MSRA: variants seen among roughly 807,000 people sequenced by gnomAD.
MSRA encodes the protein methionine sulfoxide reductase A, also known as mitochondrial peptide methionine sulfoxide reductase.
MSRA carries 54 observed loss-of-function variants against 31.3 expected under a neutral mutation model. The observed-to-expected ratio is 1.73, with a 90% CI of 1.39 to 2.17. The LOEUF is 2.17. Among genes scored for constraint, MSRA ranks in the 30% most tolerant of loss-of-function variants. The pLI is 0.00. For synonymous variants in MSRA, 169 were observed against 116.5 expected (o/e 1.45, Z -2.90); for missense variants, 507 against 300.9 (o/e 1.69, Z -5.07).
intron 5 of MSRA, among the ~76,000 whole-genome samples, chr8:10,397,767 A>G (rs1023790111): frequency 2.0e-5 from 3 of 152,244 alleles, no homozygotes; most frequent in Non-Finnish European, 4.4e-5. Flanking sequence ...GGAATATTCA[A>G]TATCTGGATT....
chr8:10,113,928 C>T (rs1405191181), intron 1 of MSRA, among the ~76,000 whole-genome samples: 3 of 152,114 alleles, frequency 2.0e-5, no homozygotes, highest in African/African-American at 4.8e-5. Flanking sequence ...TTATTATCCC[C>T]AAAAGAAACT....
chr8:10,319,877 T>G lies in MSRA; in HGVS notation c.437-6T>G. The G allele has an allele frequency of 1.3e-6, 2 of 1,516,140 alleles. No individual in the cohort carries two copies. Among genetic ancestry groups the G allele is most frequent in the South Asian group, 2.7e-5 (2 of 73,506 alleles). The allele number at this position is 1,516,140 out of a possible 1,614,324, so 93.9% of individuals were successfully genotyped here. A position where few individuals can be genotyped will look rare whatever the true frequency, so the allele number is the denominator to read the frequency against. ...GGGTAACCCTCCCTGTTTTCTGCTT[T>G]CCTAGGTATGCGCCAGGGGAACGAC... On this transcript the variant is annotated splice_polypyrimidine_tract_variant and splice_region_variant and intron_variant, in intron 4 of 5. Coordinates refer to ENST00000317173, the MANE Select transcript of MSRA (RefSeq NM_012331.5).
chr8:10,091,714 C>G (rs563008295), intron 1 of MSRA, among the ~76,000 whole-genome samples: 1 of 150,960 alleles, frequency 6.6e-6, no homozygotes, highest in East Asian at 2.0e-4. Flanking sequence ...TCAAGTGATT[C>G]TCGTGCCTCA....
intron 1 of MSRA, among the ~76,000 whole-genome samples, chr8:10,192,558 A>G (rs115585041): frequency 7.5e-4 from 115 of 152,342 alleles, no homozygotes; most frequent in African/African-American, 2.7e-3. Flanking sequence ...CCTCCTCTCC[A>G]TGGGAAGAAA....
At chr8:10,307,164 T>C (rs1248112553) in intron 4 of MSRA, among the ~76,000 whole-genome samples, 2 of 97,172 alleles carry the variant, frequency 2.1e-5, no homozygotes, top group Admixed American at 1.5e-4. Flanking sequence ...CTTCTAAGGA[T>C]GCACATTTTT....
At chr8:10,115,870 C>T (rs191418508) in intron 1 of MSRA, among the ~76,000 whole-genome samples, 2 of 152,284 alleles carry the variant, frequency 1.3e-5, no homozygotes, top group Admixed American at 1.3e-4. Flanking sequence ...AGAAAACACA[C>T]AAAAATGTAA....
chr8:10,418,815 T>TAAAAAAAAAAAAAAAAAAAAA (rs71203323), intron 5 of MSRA, among the ~76,000 whole-genome samples: 26 of 66,022 alleles, frequency 3.9e-4, no homozygotes, highest in East Asian at 5.9e-4. Context: ...TTACTACGAC[T>TAAAAAAAAAAAAAAAAAAAAA]AAAAAAAAAA....
At chr8:10,285,626 C>T (rs1477622906) in intron 3 of MSRA, among the ~76,000 whole-genome samples, 1 of 151,818 alleles carries the variant, frequency 6.6e-6, no homozygotes, top group Non-Finnish European at 1.5e-5. Flanking sequence ...ACCTGTTAAC[C>T]AGTCTCTCCC....
At chr8:10,105,149 T>C (rs1585156306) in intron 1 of MSRA, among the ~76,000 whole-genome samples, 1 of 152,238 alleles carries the variant, frequency 6.6e-6, no homozygotes, top group East Asian at 1.9e-4. Context: ...ATTTGTATCA[T>C]ATTAACTAAT....
At chr8:10,235,019 C>A (rs1363303100) in intron 2 of MSRA, among the ~76,000 whole-genome samples, 1 of 151,966 alleles carries the variant, frequency 6.6e-6, no homozygotes, top group Non-Finnish European at 1.5e-5. Flanking sequence ...CTCAATTTGC[C>A]AGAAAATTAA....
chr8:10,381,349 C>G (rs190547999), intron 5 of MSRA, among the ~76,000 whole-genome samples: 2 of 152,172 alleles, frequency 1.3e-5, no homozygotes, highest in African/African-American at 4.8e-5. Flanking sequence ...GCTTGTTTCA[C>G]CCTGAGTAAT....
intron 3 of MSRA, among the ~76,000 whole-genome samples, chr8:10,263,459 G>C (rs1394641712): frequency 6.6e-6 from 1 of 152,212 alleles, no homozygotes; most frequent in Admixed American, 6.5e-5. Flanking sequence ...TCAGACAATA[G>C]GTTAATGCCA....
At chr8:10,073,218 C>T (rs374500761) in intron 1 of MSRA, among the ~76,000 whole-genome samples, 2 of 152,180 alleles carry the variant, frequency 1.3e-5, no homozygotes, top group Non-Finnish European at 2.9e-5. Context: ...TTCAGCCTTT[C>T]ACTAAACTAT....
intron 1 of MSRA, among the ~76,000 whole-genome samples, chr8:10,071,319 T>C (rs545710388): frequency 2.6e-5 from 4 of 152,378 alleles, no homozygotes; most frequent in Non-Finnish European, 5.9e-5. Flanking sequence ...TAAATGTCTT[T>C]GGTAGACGTT....
In MSRA at chr8:10,223,861, C is replaced by T. The variant is rs1032655250; in HGVS notation, c.211+15960C>T. Among the ~76,000 whole-genome samples, 16 of 152,042 alleles carry T rather than the reference C, an allele frequency of 1.1e-4. No homozygotes were observed. The South Asian group carries it at 1.2e-3, about 12-fold the overall frequency. Reference sequence around the variant, plus strand: ...GTGAAGACCCATCTTACTCAAAGACCGCCCCTGTTTCATTTCCCCACTCCG... The same window carrying T: ...GTGAAGACCCATCTTACTCAAAGACTGCCCCTGTTTCATTTCCCCACTCCG... On this transcript the variant is annotated intron_variant, in intron 2 of 5. Transcript: ENST00000317173.
chr8:10,130,889 T>G (rs896481936), intron 1 of MSRA, among the ~76,000 whole-genome samples: 2 of 152,156 alleles, frequency 1.3e-5, no homozygotes, highest in African/African-American at 4.8e-5. Flanking sequence ...CTTCTCAGGT[T>G]TTAGATGCCA....
intron 1 of MSRA, among the ~76,000 whole-genome samples, chr8:10,134,920 G>A (rs555449213): frequency 1.3e-5 from 2 of 152,372 alleles, no homozygotes; most frequent in South Asian, 4.1e-4. Context: ...AGTGTTTGTT[G>A]TGTAGCCTAG....
At chr8:10,114,387 G>A (rs1320360402) in intron 1 of MSRA, among the ~76,000 whole-genome samples, 1 of 152,176 alleles carries the variant, frequency 6.6e-6, no homozygotes. Flanking sequence ...GGCAACCTAT[G>A]TTTAACTTTT....
intron 3 of MSRA, among the ~76,000 whole-genome samples, chr8:10,251,867 G>C (rs77857642): frequency 2.6e-5 from 4 of 151,728 alleles, no homozygotes; most frequent in African/African-American, 2.4e-5. Flanking sequence ...ATGGTGGGGG[G>C]GGGGGGACAT....
Sources: gnomAD v4.1 joint callset for allele counts (sites outside exome capture counted in the v4.1 genomes callset) on GRCh38, gnomAD v4.1.1 for gene constraint, MANE v1.5 for transcripts, NCBI Gene and HGNC (gene_info 2026-07-23, HGNC 2026-07-21) for gene names.